The following ITFG1 variants were observed in gnomAD, a reference collection of about 807,000 sequenced individuals.
ITFG1 encodes the protein integrin alpha FG-GAP repeat containing 1.
A neutral mutation model predicts 81.8 loss-of-function variants in ITFG1; 34 were observed. The observed-to-expected ratio is 0.42, with a 90% confidence interval of 0.32 to 0.55. The LOEUF (loss-of-function observed/expected upper bound fraction) is 0.55, where lower values mean the gene tolerates loss of function less well. ITFG1 is among the 20% of genes least tolerant of loss of function. The pLI is 0.17. For missense variants in ITFG1, 672 were observed against 755.4 expected (o/e 0.89, Z 1.29); for synonymous variants, 285 against 270.6 (o/e 1.05, Z -0.52).
At chr16:47,420,888 CTA>C (rs1289620608) in intron 6 of ITFG1, among the ~76,000 whole-genome samples, 3 of 152,306 alleles carry the variant, frequency 2.0e-5, no homozygotes, top group Admixed American at 2.0e-4. Context: ...AAGACAGAGT[CTA>C]TCTCTGCCTT....
At chr16:47,221,816 A>G (rs528174026) in intron 13 of ITFG1, among the ~76,000 whole-genome samples, 3 of 151,912 alleles carry the variant, frequency 2.0e-5, no homozygotes, top group African/African-American at 4.8e-5. Context: ...GTCTTGGGAG[A>G]GTGTATGTGT....
intron 14 of ITFG1, among the ~76,000 whole-genome samples, chr16:47,187,343 G>A (rs1245526791): frequency 6.6e-5 from 10 of 152,074 alleles, no homozygotes; most frequent in African/African-American, 1.2e-4. Flanking sequence ...GAGGCATCAT[G>A]CTACCTGACT....
intron 12 of ITFG1, among the ~76,000 whole-genome samples, chr16:47,239,932 C>T (rs1045614036): frequency 3.3e-5 from 5 of 152,046 alleles, no homozygotes; most frequent in African/African-American, 1.2e-4. Context: ...ATCATTCTGT[C>T]CTTATTTTCT....
chr16:47,389,023 T>C (rs545931534), intron 6 of ITFG1, among the ~76,000 whole-genome samples: 27 of 152,300 alleles, frequency 1.8e-4, no homozygotes, highest in African/African-American at 6.0e-4. Context: ...TCCCGCCTCA[T>C]GTTAGCTCCC....
chr16:47,451,626 CAT>C (rs1385922241), intron 4 of ITFG1, among the ~76,000 whole-genome samples, 156 bp from the exon 5 acceptor site: 3 of 152,310 alleles, frequency 2.0e-5, no homozygotes, highest in Admixed American at 6.5e-5. Context: ...GCACAAGTGA[CAT>C]GTGTCACTTT....
At chr16:47,241,618 T>C (rs1965934594) in intron 12 of ITFG1, among the ~76,000 whole-genome samples, 1 of 152,118 alleles carries the variant, frequency 6.6e-6, no homozygotes, top group South Asian at 2.1e-4. Context: ...ATACATAAAG[T>C]AGATGAGTGG....
rs573454045 is a variant in ITFG1, at chr16:47,295,453, G to C, written c.1070+15787C>G. On this transcript the variant is annotated intron_variant, in intron 10 of 17. Transcript: ENST00000320640. ...CACACGGTCATGCAGCTCTTTTGTT[G>C]TTGTTTTGGGGAGATGTTTTTATAC... Among the ~76,000 whole-genome samples the C allele has an allele frequency of 8.0e-4, 122 of 152,186 alleles. 1 individual carries two copies. Among genetic ancestry groups the C allele is most frequent in the African/African-American group, 2.8e-3 (116 of 41,536 alleles).
intron 2 of ITFG1, among the ~76,000 whole-genome samples, chr16:47,457,265 G>A (rs1040869693): frequency 1.3e-5 from 2 of 150,438 alleles, no homozygotes; most frequent in African/African-American, 4.9e-5. Context: ...GAGCTGAGAT[G>A]ATGCCAAGGC....
intron 17 of ITFG1, among the ~76,000 whole-genome samples, chr16:47,156,391 T>G (rs1222118396): frequency 6.6e-6 from 1 of 152,140 alleles, no homozygotes; most frequent in Admixed American, 6.5e-5. Flanking sequence ...TGAGTCAAGA[T>G]TGCACCACTG....
chr16:47,379,589 G>A (rs1968369906), intron 6 of ITFG1, among the ~76,000 whole-genome samples: 1 of 151,672 alleles, frequency 6.6e-6, no homozygotes, highest in Non-Finnish European at 1.5e-5. Flanking sequence ...TCAGGAGGCT[G>A]ATGCAGAATT....
chr16:47,307,366 C>T (rs535911005), intron 10 of ITFG1, among the ~76,000 whole-genome samples: 14 of 151,986 alleles, frequency 9.2e-5, no homozygotes, highest in Non-Finnish European at 2.1e-4. Context: ...AGAATTAACT[C>T]TCACTGTCTA....
intron 6 of ITFG1, among the ~76,000 whole-genome samples, chr16:47,408,179 G>A (rs1299445119): frequency 2.6e-5 from 4 of 152,016 alleles, no homozygotes; most frequent in Admixed American, 2.0e-4. Flanking sequence ...TTGTTTTTTC[G>A]TCTTTGGTTC....
chr16:47,375,970 T>G (rs1185809033), intron 6 of ITFG1, 30 bp from the exon 7 acceptor site: 7 of 1,399,090 alleles, frequency 5.0e-6, no homozygotes, highest in Non-Finnish European at 6.1e-6. Context: ...AAACGTAAAG[T>G]TTTGTAGTCT....
At position 47,382,017 on chromosome 16, in the gene ITFG1, A is replaced by T. The variant is rs73543103; in HGVS notation, c.656-6077T>A. On this transcript the variant is annotated intron_variant, in intron 6 of 17. Transcript: ENST00000320640. ...GAGGGAACTGGATGAAGCAAAAGAGATCATCACTGACCAGAGGGACAGAAT... is the reference window on the plus strand; with the variant it reads ...GAGGGAACTGGATGAAGCAAAAGAGTTCATCACTGACCAGAGGGACAGAAT... Among the ~76,000 whole-genome samples, 1,225 of 152,350 alleles carry T rather than the reference A, an allele frequency of 8.0e-3. 14 individuals are homozygous for T. The highest frequency in any genetic ancestry group is 0.028 in the African/African-American group (1,165 of 41,578).
At chr16:47,391,366 T>C (rs1968529187) in intron 6 of ITFG1, among the ~76,000 whole-genome samples, 1 of 152,336 alleles carries the variant, frequency 6.6e-6, no homozygotes, top group South Asian at 2.1e-4. Context: ...AACGTATCTC[T>C]GTAGATGAAT....
intron 10 of ITFG1, chr16:47,263,336 GAT>G (rs1966233966): frequency 4.2e-6 from 2 of 477,728 alleles, no homozygotes; most frequent in African/African-American, 4.0e-5. Flanking sequence ...GCAGGCCTAT[GAT>G]CTGGCCCATG....
intron 7 of ITFG1, among the ~76,000 whole-genome samples, chr16:47,371,531 T>C (rs553701655): frequency 3.3e-5 from 5 of 152,322 alleles, no homozygotes; most frequent in Admixed American, 2.0e-4. Flanking sequence ...TAGCCTTTCA[T>C]AGATGACTAT....
intron 8 of ITFG1, among the ~76,000 whole-genome samples, chr16:47,345,781 G>C (rs1198823526): frequency 6.6e-6 from 1 of 152,238 alleles, no homozygotes; most frequent in East Asian, 1.9e-4. Context: ...GCAAAGAAAT[G>C]GTACTATAAT....
chr16:47,269,874 G>A (rs1490640392), intron 10 of ITFG1, among the ~76,000 whole-genome samples: 3 of 152,062 alleles, frequency 2.0e-5, no homozygotes, highest in African/African-American at 7.2e-5. Flanking sequence ...TATCTGAATT[G>A]ACTACTCATT....
Sources: allele counts gnomAD v4.1 joint callset (sites outside exome capture counted in the v4.1 genomes callset), GRCh38; gene constraint gnomAD v4.1.1; transcripts MANE v1.5; gene names NCBI Gene and HGNC (gene_info 2026-07-23, HGNC 2026-07-21).